The following STARD13 variants were observed in gnomAD, a reference collection of about 807,000 sequenced individuals.
STARD13 encodes the protein StAR related lipid transfer domain containing 13.
STARD13 carries 62 observed loss-of-function variants against 106.4 expected under a neutral mutation model. The observed-to-expected ratio is 0.58, with a 90% CI of 0.48 to 0.72. STARD13 has a LOEUF of 0.72. Ranked by LOEUF, STARD13 falls within the 30% of genes least tolerant of loss-of-function variation. The probability of loss-of-function intolerance (pLI) is 0.00; values close to 1 mark genes in which losing one functional copy is unlikely to be tolerated. For synonymous variants in STARD13, 565 were observed against 553.0 expected (o/e 1.02, Z -0.31); for missense variants, 1,387 against 1,424.0 (o/e 0.97, Z 0.42).
intron 1 of STARD13, among the ~76,000 whole-genome samples, chr13:33,282,522 C>T (rs1463930316): frequency 2.6e-5 from 4 of 152,146 alleles, no homozygotes; most frequent in Admixed American, 2.0e-4. Context: ...TGGGGAGCAA[C>T]TTACTTGTTT....
At chr13:33,456,781 A>G in the STARD13 span, among the ~76,000 whole-genome samples, 23 of 152,284 alleles carry the variant, frequency 1.5e-4, no homozygotes, top group East Asian at 4.2e-3. Context: ...GCCATCTATG[A>G]ACCAGAAAGC....
chr13:33,496,523 G>A, the STARD13 span, among the ~76,000 whole-genome samples: 3 of 151,862 alleles, frequency 2.0e-5, no homozygotes, highest in East Asian at 1.9e-4. Flanking sequence ...ACTTGATTAT[G>A]CAATTTCTCT....
intron 5 of STARD13, among the ~76,000 whole-genome samples, chr13:33,128,075 A>G (rs185860296): frequency 1.2e-3 from 182 of 152,270 alleles, no homozygotes; most frequent in African/African-American, 4.1e-3. Context: ...AGACAGAGAC[A>G]GAAAGATAGA....
intron 3 of STARD13, among the ~76,000 whole-genome samples, chr13:33,147,938 T>A (rs1450816642): frequency 6.6e-6 from 1 of 152,114 alleles, no homozygotes; most frequent in Non-Finnish European, 1.5e-5. Context: ...CAACTTACGT[T>A]TATAAAGGAG....
chr13:33,593,762 T>C, the STARD13 span, among the ~76,000 whole-genome samples: 1 of 152,088 alleles, frequency 6.6e-6, no homozygotes, highest in African/African-American at 2.4e-5. Context: ...AATATCTACA[T>C]TGGATTTCTG....
At chr13:33,123,518 C>T (rs1438962238) in intron 7 of STARD13, among the ~76,000 whole-genome samples, 1 of 152,194 alleles carries the variant, frequency 6.6e-6, no homozygotes, top group Non-Finnish European at 1.5e-5. Flanking sequence ...TCATATTCAT[C>T]AGGAATAGGT....
the STARD13 span, among the ~76,000 whole-genome samples, chr13:33,474,066 ATTC>A: frequency 6.6e-6 from 1 of 152,110 alleles, no homozygotes; most frequent in African/African-American, 2.4e-5. Flanking sequence ...ATAAACTGAT[ATTC>A]TTTTGTAACA....
the STARD13 span, among the ~76,000 whole-genome samples, chr13:33,431,513 GATGTCTTTGAAAATAAC>G: frequency 6.6e-6 from 1 of 152,114 alleles, no homozygotes; most frequent in Non-Finnish European, 1.5e-5. Context: ...TTGTGGAATA[GATGTCTTTGAAAATAAC>G]TAGGCTTAAA....
chr13:33,547,034 T>C, the STARD13 span, among the ~76,000 whole-genome samples: 2 of 152,204 alleles, frequency 1.3e-5, no homozygotes, highest in Non-Finnish European at 2.9e-5. Flanking sequence ...TATAATACTT[T>C]AGAAAAAGTG....
At chr13:33,433,872 G>A in the STARD13 span, among the ~76,000 whole-genome samples, 12 of 152,090 alleles carry the variant, frequency 7.9e-5, no homozygotes, top group African/African-American at 2.9e-4. Context: ...AGTTCCTTCA[G>A]GGAAGGCACT....
the STARD13 span, among the ~76,000 whole-genome samples, chr13:33,559,726 A>G: frequency 6.6e-6 from 1 of 151,410 alleles, no homozygotes; most frequent in Non-Finnish European, 1.5e-5. Flanking sequence ...GTGTGGTGGC[A>G]TGCGCCTGTA....
At chr13:33,234,316 G>A (rs968648227) in intron 1 of STARD13, among the ~76,000 whole-genome samples, 1 of 152,144 alleles carries the variant, frequency 6.6e-6, no homozygotes. Flanking sequence ...TTGAGAAAAT[G>A]CTCCTGAGGA....
the STARD13 span, among the ~76,000 whole-genome samples, chr13:33,607,098 G>A: frequency 1.5e-5 from 2 of 130,952 alleles, no homozygotes; most frequent in East Asian, 4.3e-4. Context: ...GGACAGTTTT[G>A]TTTTTTTTTT....
rs766060584 is a variant in STARD13 at position 33,129,708 on chromosome 13, GA to G, written c.968del (p.Leu323ProfsTer21). 1 of 1,613,992 alleles carries G rather than the reference GA, an allele frequency of 6.2e-7. No homozygotes were observed. Among genetic ancestry groups the G allele is most frequent in the Non-Finnish European group, 8.5e-7 (1 of 1,180,046 alleles). On this transcript the variant is annotated frameshift_variant, in exon 5 of 14. Transcript: ENST00000336934. LOFTEE classifies it high-confidence loss of function. ...CGCCACTCGACTTGCCAGAGCATGG[GA>G]GCCCTTTTCTGCAGGCAGGTGGCGG... is the stretch of plus-strand genomic sequence containing the variant. ...NSPPPACRKGLPCSGKSSGES... is the reference protein window; with the variant it reads ...NSPPPACRKGXPCSGKSSGES...
downstream of STARD13, among the ~76,000 whole-genome samples, chr13:33,344,545 T>C (rs2077998591): frequency 6.6e-6 from 1 of 152,254 alleles, no homozygotes; most frequent in African/African-American, 2.4e-5. Context: ...GATCTTGCTT[T>C]GCATTGAAGT....
chr13:33,377,542 A>G, the STARD13 span, among the ~76,000 whole-genome samples: 12 of 152,246 alleles, frequency 7.9e-5, no homozygotes, highest in East Asian at 2.3e-3. Context: ...TCGTAGACTC[A>G]TGGGACTAAA....
chr13:33,620,282 TTTTC>T, the STARD13 span, among the ~76,000 whole-genome samples: 1 of 149,090 alleles, frequency 6.7e-6, no homozygotes, highest in Non-Finnish European at 1.5e-5. Context: ...TCTTTTTCTT[TTTTC>T]TTTTTTTTTT....
At chr13:33,533,218 C>G in the STARD13 span, among the ~76,000 whole-genome samples, 1 of 152,034 alleles carries the variant, frequency 6.6e-6, no homozygotes, top group Non-Finnish European at 1.5e-5. Context: ...CTAGTAAGAC[C>G]CTGGAGGATG....
At chr13:33,380,912 C>T in the STARD13 span, among the ~76,000 whole-genome samples, 18 of 152,204 alleles carry the variant, frequency 1.2e-4, no homozygotes, top group East Asian at 3.5e-3. Context: ...CACAGCATGG[C>T]ATGGCAGACA....
Sources: allele counts gnomAD v4.1 joint callset (sites outside exome capture counted in the v4.1 genomes callset), GRCh38; gene constraint gnomAD v4.1.1; transcripts MANE v1.5; gene names NCBI Gene and HGNC (gene_info 2026-07-23, HGNC 2026-07-21).